Variants in SPIDR observed in about 807,000 individuals in gnomAD.
SPIDR encodes scaffold protein involved in DNA repair, also known as DNA repair-scaffolding protein.
SPIDR carries 93 observed loss-of-function variants against 104.6 expected under a neutral mutation model. The observed-to-expected ratio is 0.89, with a 90% CI of 0.75 to 1.06. The LOEUF is 1.06. Ranked by LOEUF, SPIDR falls within the 50% of genes least tolerant of loss-of-function variation. The probability of loss-of-function intolerance (pLI) is 0.00; values close to 1 mark genes in which losing one functional copy is unlikely to be tolerated. For synonymous variants in SPIDR, 431 were observed against 416.9 expected (o/e 1.03, Z -0.41); for missense variants, 1,154 against 1,111.2 (o/e 1.04, Z -0.55).
chr8:47,547,525 T>C (rs1587548217), intron 8 of SPIDR: 1 of 182,706 alleles, frequency 5.5e-6, no homozygotes. Flanking sequence ...CTCCTGGGTT[T>C]AAGCAATTCT....
At chr8:47,556,630 C>T (rs2091356678) in intron 8 of SPIDR, among the ~76,000 whole-genome samples, 2 of 152,070 alleles carry the variant, frequency 1.3e-5, no homozygotes, top group African/African-American at 4.8e-5. Context: ...TGGGGTCTTG[C>T]TTTGTTTTGC....
rs550996639 is a variant in SPIDR, at chr8:47,482,830, T to TTTTTG, written c.1097+42307_1097+42311dup. Reference sequence around the variant, plus strand: ...CTCATGGGCAGCTGTGTTTTGTTTTTTTTTGTTTTGTTTTGTTTTGTTTGA... The same window carrying TTTTTG: ...CTCATGGGCAGCTGTGTTTTGTTTTTTTTTGTTTTGTTTTGTTTTGTTTTGTTTGA... On this transcript the variant is annotated intron_variant, in intron 8 of 19. Transcript: ENST00000297423. 2.2e-3 allele frequency among the ~76,000 whole-genome samples: 337 copies of TTTTTG among 152,258 alleles called. 1 individual carries two copies. The highest frequency in any genetic ancestry group is 3.3e-3 in the Non-Finnish European group (226 of 68,002).
At chr8:47,283,078 A>T (rs1355134577) in intron 2 of SPIDR, among the ~76,000 whole-genome samples, 1 of 151,488 alleles carries the variant, frequency 6.6e-6, no homozygotes, top group African/African-American at 2.4e-5. Context: ...CTGGTCTCGA[A>T]CTCCTGATCT....
At chr8:47,658,044 AAAAAAG>A (rs1554548639) in intron 10 of SPIDR, among the ~76,000 whole-genome samples, 34 of 146,412 alleles carry the variant, frequency 2.3e-4, no homozygotes, top group South Asian at 1.9e-3. Flanking sequence ...AAAAAAAAAA[AAAAAAG>A]AAAAAGAAAA....
chr8:47,402,063 A>C lies in SPIDR; in HGVS notation c.776+5437A>C, dbSNP rs1427837473. On this transcript the variant is annotated intron_variant, in intron 6 of 19. Transcript: ENST00000297423. ...TCAGCACCACATCGCACTTATTCCA[A>C]AATTCACCACATAGTTGGAAGTAAA... 1.3e-5 allele frequency among the ~76,000 whole-genome samples: 2 copies of C among 152,342 alleles called. 1 individual carries two copies. The highest frequency in any genetic ancestry group is 1.3e-4 in the Admixed American group (2 of 15,304).
intron 5 of SPIDR, among the ~76,000 whole-genome samples, chr8:47,365,750 C>T (rs2057079758): frequency 6.6e-6 from 1 of 152,082 alleles, no homozygotes; most frequent in Non-Finnish European, 1.5e-5. Flanking sequence ...TTAATTCATT[C>T]ATGCAGAGGC....
chr8:47,730,539 T>C (rs1449687613), intron 19 of SPIDR, among the ~76,000 whole-genome samples: 1 of 152,138 alleles, frequency 6.6e-6, no homozygotes, highest in Non-Finnish European at 1.5e-5. Context: ...TGTGGTCAGT[T>C]AAATAAGGGG....
intron 8 of SPIDR, among the ~76,000 whole-genome samples, chr8:47,488,723 G>C (rs1377159458): frequency 6.6e-6 from 1 of 152,104 alleles, no homozygotes; most frequent in Non-Finnish European, 1.5e-5. Context: ...ATGTAATCCA[G>C]CATATAAACG....
rs568851892 is a variant in SPIDR, at chr8:47,638,079, A to G, written c.1545-35722A>G. Among the ~76,000 whole-genome samples the G allele has an allele frequency of 9.2e-5, 14 of 152,136 alleles. No individual in the cohort carries two copies. In the South Asian group the frequency reaches 1.9e-3, roughly 20 times the overall value. On this transcript the variant is annotated intron_variant, in intron 10 of 19. Transcript: ENST00000297423. ...GTTTTTTTCCCTTGGAGTTATTTCA[A>G]TTGATATCTGTATCCCTTTGATATA...
chr8:47,498,345 A>G lies in SPIDR; in HGVS notation c.1097+57803A>G, dbSNP rs145837073. Among the ~76,000 whole-genome samples the G allele has an allele frequency of 2.6e-4, 40 of 152,352 alleles. No homozygotes were observed. In the East Asian group the frequency reaches 7.7e-3, roughly 29 times the overall value. ...AATAACTGAGGTCAGCAGTTTCTTT[A>G]TCAAAGCAACCCAGGTTAAATATGC... is the stretch of plus-strand genomic sequence containing the variant. On this transcript the variant is annotated intron_variant, in intron 8 of 19. Transcript: ENST00000297423.
intron 10 of SPIDR, among the ~76,000 whole-genome samples, chr8:47,636,292 C>T (rs150739527): frequency 2.0e-5 from 3 of 151,534 alleles, no homozygotes; most frequent in African/African-American, 7.3e-5. Flanking sequence ...TGTTCTGGCT[C>T]CTCTACTAAC....
chr8:47,502,931 A>G (rs2080781004), intron 8 of SPIDR, among the ~76,000 whole-genome samples: 1 of 152,192 alleles, frequency 6.6e-6, no homozygotes, highest in African/African-American at 2.4e-5. Context: ...TGCAGTTTCC[A>G]TGTAGTTGAG....
intron 5 of SPIDR, among the ~76,000 whole-genome samples, chr8:47,347,085 G>C (rs1587438795): frequency 6.6e-6 from 1 of 152,254 alleles, no homozygotes; most frequent in South Asian, 2.1e-4. Flanking sequence ...TGGGCATTTA[G>C]AGCTATAAAT....
intron 8 of SPIDR, among the ~76,000 whole-genome samples, chr8:47,488,329 A>G (rs1222748253): frequency 1.3e-5 from 2 of 152,236 alleles, no homozygotes; most frequent in African/African-American, 4.8e-5. Context: ...GAATAGACCA[A>G]TAACAGGCTC....
At chr8:47,478,498 T>G (rs2076529193) in intron 8 of SPIDR, among the ~76,000 whole-genome samples, 1 of 152,106 alleles carries the variant, frequency 6.6e-6, no homozygotes, top group Non-Finnish European at 1.5e-5. Flanking sequence ...ACTAACTGCT[T>G]TAAAAGTCAG....
At chr8:47,570,908 T>C (rs2058438328) in intron 8 of SPIDR, among the ~76,000 whole-genome samples, 2 of 152,048 alleles carry the variant, frequency 1.3e-5, no homozygotes, top group Non-Finnish European at 2.9e-5. Context: ...CTGGCCAATA[T>C]GGTGAAACCC....
intron 8 of SPIDR, among the ~76,000 whole-genome samples, chr8:47,569,542 A>G (rs915250362): frequency 6.6e-6 from 1 of 152,202 alleles, no homozygotes; most frequent in Non-Finnish European, 1.5e-5. Flanking sequence ...AAGTTAAAAT[A>G]TTCAGGTCTT....
At chr8:47,683,444 AG>A (rs1207319208) in intron 11 of SPIDR, among the ~76,000 whole-genome samples, 1 of 152,164 alleles carries the variant, frequency 6.6e-6, no homozygotes, top group East Asian at 1.9e-4. Flanking sequence ...TGGGACTCAT[AG>A]GTTCTAGTTT....
chr8:47,567,228 T>TA (rs1196490271), intron 8 of SPIDR, among the ~76,000 whole-genome samples: 91 of 139,160 alleles, frequency 6.5e-4, no homozygotes, highest in African/African-American at 2.6e-3. Flanking sequence ...TATATATATA[T>TA]TTTTTTTCTT....
Sources: allele counts gnomAD v4.1 joint callset (sites outside exome capture counted in the v4.1 genomes callset), GRCh38; gene constraint gnomAD v4.1.1; transcripts MANE v1.5; gene names NCBI Gene and HGNC (gene_info 2026-07-23, HGNC 2026-07-21).